The following ATAD2B variants were observed in gnomAD, a reference collection of about 807,000 sequenced individuals.
ATAD2B encodes the protein ATPase family AAA domain containing 2B.
Under a neutral mutation model 167.6 loss-of-function variants are expected in ATAD2B, and 40 were observed. That is an observed-to-expected ratio of 0.24 (90% confidence interval 0.19 to 0.31). ATAD2B has a LOEUF of 0.31. Among genes scored for constraint, ATAD2B ranks in the 10% least tolerant of loss-of-function variants. The pLI is 1.00. For missense variants in ATAD2B, 1,242 were observed against 1,757.2 expected (o/e 0.71, Z 5.24); for synonymous variants, 579 against 596.5 (o/e 0.97, Z 0.43).
intron 19 of ATAD2B, among the ~76,000 whole-genome samples, chr2:23,797,763 A>G (rs1682847458): frequency 6.6e-6 from 1 of 152,174 alleles, no homozygotes; most frequent in African/African-American, 2.4e-5. Flanking sequence ...ATTTTGTGCA[A>G]GAAACAAAGT....
chr2:23,788,543 T>A lies in ATAD2B; in HGVS notation c.2745A>T (p.Ala915=). The change falls in exon 20 of 28, where the codon GCA becomes GCT. Residue 915 remains alanine (A), a synonymous_variant. Coordinates refer to ENST00000238789, the MANE Select transcript of ATAD2B (RefSeq NM_017552.4). ...KFFQELILNQ[A]SMAPPRRKHA... ...GTTTCCTTCGTGGTGGAGCCATTGA[T>A]GCCTGATTGAGAATCAATTCTTGAA... 6.2e-7 allele frequency: 1 copy of A among 1,613,420 alleles called. No homozygotes were observed. Among genetic ancestry groups the A allele is most frequent in the Non-Finnish European group, 8.5e-7 (1 of 1,179,420 alleles).
Position 23,878,010 on chromosome 2 carries a change from C to CAAAAAAAAAAAAAAAAAAAAAAAAA in ATAD2B, c.902-2107_902-2106insTTTTTTTTTTTTTTTTTTTTTTTTT, listed in dbSNP as rs1283016862. Among the ~76,000 whole-genome samples, 13 of 28,608 alleles carry CAAAAAAAAAAAAAAAAAAAAAAAAA rather than the reference C, an allele frequency of 4.5e-4. 2 individuals are homozygous for CAAAAAAAAAAAAAAAAAAAAAAAAA. Among genetic ancestry groups the CAAAAAAAAAAAAAAAAAAAAAAAAA allele is most frequent in the Admixed American group, 1.8e-3 (3 of 1,644 alleles). The allele number at this position is 28,608 out of a possible 152,430, so 18.8% of individuals were successfully genotyped here. A position where few individuals can be genotyped will look rare whatever the true frequency, so the allele number is the denominator to read the frequency against. On this transcript the variant is annotated intron_variant, in intron 7 of 27. Coordinates refer to ENST00000238789, the MANE Select transcript of ATAD2B (RefSeq NM_017552.4). ...ACTCCAGCCTGGATGACCCTATCTC[C>CAAAAAAAAAAAAAAAAAAAAAAAAA]AAAGAAAAAAAAAAAAAAAAAAAAA...
At chr2:23,705,186 C>T in the ATAD2B span, among the ~76,000 whole-genome samples, 1,008 of 152,344 alleles carry the variant, frequency 6.6e-3, 4 homozygotes, top group Non-Finnish European at 0.01. Flanking sequence ...CGCACCTTCT[C>T]TGAGACTAGA....
chr2:23,814,259 A>T (rs986071003), intron 17 of ATAD2B, among the ~76,000 whole-genome samples: 20 of 152,264 alleles, frequency 1.3e-4, no homozygotes, highest in Admixed American at 3.3e-4. Context: ...GAAACTTTTT[A>T]AAATGTTTAT....
the ATAD2B span, among the ~76,000 whole-genome samples, chr2:23,700,872 GCCCTCTGAGGACGCCTCTCAGCTC>G: frequency 2.0e-5 from 3 of 152,130 alleles, no homozygotes; most frequent in Non-Finnish European, 4.4e-5. The surrounding 1 kb of genome is among the most constrained non-coding windows in gnomAD (Gnocchi z 4.6). Flanking sequence ...GACCTTGGCT[GCCCTCTGAGGACGCCTCTCAGCTC>G]CCCTCTTAAA....
At chr2:23,737,449 A>G in the ATAD2B span, among the ~76,000 whole-genome samples, 1 of 152,140 alleles carries the variant, frequency 6.6e-6, no homozygotes, top group African/African-American at 2.4e-5. Context: ...TCTGGAGTGG[A>G]CCTCTAGCAA....
chr2:23,796,007 G>A (rs1682559907), intron 19 of ATAD2B, among the ~76,000 whole-genome samples: 1 of 152,190 alleles, frequency 6.6e-6, no homozygotes, highest in Non-Finnish European at 1.5e-5. Context: ...GCTGAGGCAG[G>A]AGGATCACTT....
chr2:23,886,457 T>A (rs1054098307), intron 4 of ATAD2B, among the ~76,000 whole-genome samples: 4 of 152,144 alleles, frequency 2.6e-5, no homozygotes, highest in African/African-American at 9.7e-5. Context: ...AATTCAATCT[T>A]TTTATTGAAG....
chr2:23,793,272 T>C (rs1054219044), intron 19 of ATAD2B, among the ~76,000 whole-genome samples: 5 of 152,210 alleles, frequency 3.3e-5, no homozygotes, highest in Non-Finnish European at 7.3e-5. Context: ...TCATTTCCAA[T>C]ATACTGAATT....
chr2:23,822,103 CAG>C (rs1047611807), intron 16 of ATAD2B, among the ~76,000 whole-genome samples: 28 of 152,214 alleles, frequency 1.8e-4, no homozygotes, highest in African/African-American at 6.3e-4. Context: ...CTGCACACTG[CAG>C]AGTGTCCTAC....
chr2:23,904,537 C>CT (rs34666567), intron 1 of ATAD2B, among the ~76,000 whole-genome samples: 76,380 of 137,510 alleles, frequency 0.56, 21,844 homozygotes, highest in East Asian at 0.81. Context: ...ATTTTCCTTC[C>CT]TTTTTTTTTT....
At chr2:23,771,961 A>G (rs1678389424) in intron 22 of ATAD2B, among the ~76,000 whole-genome samples, 2 of 152,152 alleles carry the variant, frequency 1.3e-5, no homozygotes, top group African/African-American at 4.8e-5. Flanking sequence ...CCCAGTTCAG[A>G]GGACCTCCAG....
chr2:23,783,284 CTT>C (rs1375017370), intron 21 of ATAD2B, among the ~76,000 whole-genome samples: 86 of 135,604 alleles, frequency 6.3e-4, no homozygotes, highest in African/African-American at 1.4e-3. Context: ...ACCATGTCAG[CTT>C]TTTTTTTTTT....
chr2:23,732,475 A>G, the ATAD2B span, among the ~76,000 whole-genome samples: 1 of 152,306 alleles, frequency 6.6e-6, no homozygotes, highest in Non-Finnish European at 1.5e-5. Context: ...GCACTTTTGG[A>G]TTGTCTAACA....
chr2:23,799,761 A>T (rs1683193891), intron 18 of ATAD2B: 1 of 152,016 alleles, frequency 6.6e-6, no homozygotes, highest in Admixed American at 6.6e-5. Flanking sequence ...CCAATTCAAT[A>T]ATAAACCAGA....
intron 22 of ATAD2B, among the ~76,000 whole-genome samples, chr2:23,781,520 C>G (rs1354573209): frequency 6.6e-6 from 1 of 151,920 alleles, no homozygotes; most frequent in Admixed American, 6.6e-5. Flanking sequence ...CAAAAATTAG[C>G]TGGACGTGGT....
chr2:23,833,810 T>TA, intron 14 of ATAD2B, 109 bp downstream of exon 14: 1 of 892,640 alleles, frequency 1.1e-6, no homozygotes, highest in South Asian at 2.2e-5. Context: ...AAGATATCCT[T>TA]AAGCAGAAAA....
chr2:23,691,267 C>A, the ATAD2B span: 1 of 259,730 alleles, frequency 3.9e-6, no homozygotes, highest in Non-Finnish European at 7.5e-6. Flanking sequence ...GCCTGGGTCA[C>A]GTTGGAGAAT....
intron 17 of ATAD2B, among the ~76,000 whole-genome samples, chr2:23,818,599 T>C (rs959236163): frequency 6.6e-6 from 1 of 152,130 alleles, no homozygotes; most frequent in Non-Finnish European, 1.5e-5. Context: ...GGGTTATCAA[T>C]GCAAATAATC....
Sources: gnomAD v4.1 joint callset for allele counts (sites outside exome capture counted in the v4.1 genomes callset) on GRCh38, gnomAD v4.1.1 for gene constraint, Gnocchi (gnomAD v3.1) non-coding constraint, MANE v1.5 for transcripts, NCBI Gene and HGNC (gene_info 2026-07-23, HGNC 2026-07-21) for gene names.